The following GABRA5 variants were observed in gnomAD, a reference collection of about 807,000 sequenced individuals.
GABRA5 encodes gamma-aminobutyric acid receptor subunit alpha-5.
In GABRA5, 18 loss-of-function variants were observed where a neutral mutation model predicts 47.3. That is an observed-to-expected ratio of 0.38 (90% CI 0.26 to 0.56). The LOEUF is 0.56. GABRA5 is among the 20% of genes least tolerant of loss of function. The pLI, the probability that GABRA5 is intolerant of heterozygous loss-of-function variation, is 0.71. For synonymous variants in GABRA5, 237 were observed against 229.3 expected (o/e 1.03, Z -0.30); for missense variants, 365 against 599.3 (o/e 0.61, Z 4.08).
chr15:26,931,198 C>T (rs559444358), intron 7 of GABRA5, among the ~76,000 whole-genome samples: 15 of 152,260 alleles, frequency 9.9e-5, no homozygotes, highest in Admixed American at 2.6e-4. Flanking sequence ...TGCGCCCGGC[C>T]GCCAATTTCT....
chr15:26,877,569 A>C (rs1003004215), intron 3 of GABRA5: 9 of 423,560 alleles, frequency 2.1e-5, no homozygotes, highest in African/African-American at 1.6e-4. Flanking sequence ...ACTGTATGTA[A>C]GTCAGAAGTG....
At position 26,940,542 on chromosome 15, in the gene GABRA5, C is replaced by A. The variant is rs144744455; in HGVS notation, c.877+465C>A. On this transcript the variant is annotated intron_variant, in intron 9 of 10. Coordinates refer to ENST00000335625, the MANE Select transcript of GABRA5 (RefSeq NM_000810.4). Reference sequence around the variant, plus strand: ...TTTCTTTGAGCATTACGTCGGTGCCCAAAAAGTTTTGGATTCTGTAGCGTT... The same window carrying A: ...TTTCTTTGAGCATTACGTCGGTGCCAAAAAAGTTTTGGATTCTGTAGCGTT... Among the ~76,000 whole-genome samples the A allele has an allele frequency of 6.8e-3, 1,001 of 147,480 alleles. 4 individuals carry two copies. The highest frequency in any genetic ancestry group is 0.011 in the Non-Finnish European group (760 of 67,986).
intron 7 of GABRA5, among the ~76,000 whole-genome samples, chr15:26,936,322 G>A (rs1894242197): frequency 6.6e-6 from 1 of 152,100 alleles, no homozygotes. Flanking sequence ...GGGCTCCTTT[G>A]CAAGCTTCCA....
In GABRA5 at chr15:26,869,175, C is replaced by A; in HGVS notation, c.-74C>A. On this transcript the variant is annotated splice_region_variant and 5_prime_UTR_variant, in exon 3 of 11. Transcript: ENST00000335625. ...CTTCCCCGCTTTGTGTGCTTTTCAGCTTCAAGAACAAGCTGGAGAAGGGAA... is the reference window on the plus strand; with the variant it reads ...CTTCCCCGCTTTGTGTGCTTTTCAGATTCAAGAACAAGCTGGAGAAGGGAA... The A allele has an allele frequency of 1.1e-6, 1 of 932,520 alleles. No homozygotes were observed. Among genetic ancestry groups the A allele is most frequent in the Non-Finnish European group, 1.8e-6 (1 of 560,874 alleles). 57.8% of individuals were successfully genotyped at this position (932,520 alleles called of 1,614,324 possible).
intron 6 of GABRA5, among the ~76,000 whole-genome samples, chr15:26,884,716 A>G (rs986187712): frequency 6.6e-6 from 1 of 152,172 alleles, no homozygotes; most frequent in Admixed American, 6.5e-5. Context: ...AAAAAAATCA[A>G]GCTTTTAAAG....
intron 6 of GABRA5, among the ~76,000 whole-genome samples, chr15:26,892,848 C>T (rs1034286637): frequency 2.0e-5 from 3 of 151,846 alleles, no homozygotes; most frequent in Admixed American, 2.0e-4. Context: ...GCAAGTTGTG[C>T]GGGGAGGATG....
At chr15:26,912,502 C>A (rs1483598805) in intron 6 of GABRA5, among the ~76,000 whole-genome samples, 2 of 152,178 alleles carry the variant, frequency 1.3e-5, no homozygotes, top group Non-Finnish European at 2.9e-5. Context: ...TTACCAATTT[C>A]ATAGTCTCTA....
chr15:26,940,923 C>T (rs1252932866), intron 9 of GABRA5, among the ~76,000 whole-genome samples: 1 of 152,204 alleles, frequency 6.6e-6, no homozygotes, highest in Non-Finnish European at 1.5e-5. Context: ...CAGTCGTGAT[C>T]CTGGATGCTC....
At chr15:26,889,605 G>C (rs1303725163) in intron 6 of GABRA5, among the ~76,000 whole-genome samples, 2 of 152,190 alleles carry the variant, frequency 1.3e-5, no homozygotes, top group African/African-American at 4.8e-5. Flanking sequence ...ACTAGACACT[G>C]AGATGTGTTT....
rs530586347 is a variant in GABRA5 at position 26,948,170 on chromosome 15, A to G, written c.1326A>G (p.Leu442=). ...CAGTCTTGTTCGGCACTTTCAACTTAGTTTACTGGGCAACGTATTTGAATA... is the reference window on the plus strand; with the variant it reads ...CAGTCTTGTTCGGCACTTTCAACTTGGTTTACTGGGCAACGTATTTGAATA... The part of the protein sequence containing the change: ...VFPVLFGTFN[L]VYWATYLNRE... Residue 442 remains leucine (L), a synonymous_variant, in exon 11 of 11, where the codon TTA becomes TTG. Coordinates refer to ENST00000335625, the MANE Select transcript of GABRA5 (RefSeq NM_000810.4). The G allele has an allele frequency of 6.2e-7, 1 of 1,613,902 alleles. No individual in the cohort carries two copies. Among genetic ancestry groups the G allele is most frequent in the African/African-American group, 1.3e-5 (1 of 75,050 alleles).
intron 7 of GABRA5, among the ~76,000 whole-genome samples, chr15:26,935,642 C>T (rs1179436062): frequency 6.6e-6 from 1 of 152,222 alleles, no homozygotes; most frequent in Non-Finnish European, 1.5e-5. Context: ...GATGAGTGGG[C>T]CACAGCCTCC....
chr15:26,923,008 C>G (rs1893878167), intron 7 of GABRA5, among the ~76,000 whole-genome samples: 1 of 152,144 alleles, frequency 6.6e-6, no homozygotes, highest in African/African-American at 2.4e-5. Context: ...AAAACCTTAC[C>G]TCCCTTTATG....
intron 7 of GABRA5, among the ~76,000 whole-genome samples, chr15:26,925,364 G>T (rs1273723853): frequency 6.6e-6 from 1 of 151,836 alleles, no homozygotes; most frequent in Non-Finnish European, 1.5e-5. Flanking sequence ...TTTATATTTA[G>T]TGCCTTAAGT....
chr15:26,891,447 A>G (rs1443289281), intron 6 of GABRA5, among the ~76,000 whole-genome samples: 1 of 152,116 alleles, frequency 6.6e-6, no homozygotes, highest in Non-Finnish European at 1.5e-5. Context: ...GCCTCTCCCT[A>G]TTTGCATAGA....
At chr15:26,927,867 A>C (rs993731948) in intron 7 of GABRA5, among the ~76,000 whole-genome samples, 1 of 152,224 alleles carries the variant, frequency 6.6e-6, no homozygotes. Context: ...TCTCTAATGC[A>C]GAACTGAATT....
Position 26,943,379 on chromosome 15 carries a change from G to C in GABRA5, c.1042G>C (p.Gly348Arg), listed in dbSNP as rs1173097349. The change falls in exon 10 of 11, where the codon GGC (glycine) becomes CGC (arginine). Residue 348 changes from glycine to arginine, a missense_variant. This residue lies in a region of GABRA5 where 43 missense variants were observed against 133.7 expected (regional missense o/e 0.32). Coordinates refer to ENST00000335625, the MANE Select transcript of GABRA5 (RefSeq NM_000810.4). ...CACGGTCAATTACTTTACCAAGAGAGGCTGGGCCTGGGATGGCAAAAAAGC... is the reference window on the plus strand; with the variant it reads ...CACGGTCAATTACTTTACCAAGAGACGCTGGGCCTGGGATGGCAAAAAAGC... ...FATVNYFTKR[G>R]WAWDGKKALE... 1 of 1,599,466 alleles carries C rather than the reference G, an allele frequency of 6.3e-7. No individual in the cohort carries two copies. The highest frequency in any genetic ancestry group is 8.5e-7 in the Non-Finnish European group (1 of 1,173,056).
intron 8 of GABRA5, chr15:26,939,198 C>T: frequency 1.3e-6 from 1 of 762,290 alleles, no homozygotes; most frequent in Non-Finnish European, 2.4e-6. Context: ...CAGCGGGCCT[C>T]ACACTCCCTG....
intron 6 of GABRA5, among the ~76,000 whole-genome samples, chr15:26,896,485 A>T (rs1465683882): frequency 6.6e-6 from 1 of 152,170 alleles, no homozygotes; most frequent in African/African-American, 2.4e-5. Context: ...TTGCTTCCAA[A>T]TTTGTTTTTA....
chr15:26,880,699 C>T, intron 3 of GABRA5, 147 bp from the exon 4 acceptor site: 3 of 717,706 alleles, frequency 4.2e-6, no homozygotes, highest in Admixed American at 3.0e-5. Flanking sequence ...CAAGGCCAAA[C>T]AATCCCCTAG....
Sources: allele counts gnomAD v4.1 joint callset (sites outside exome capture counted in the v4.1 genomes callset), GRCh38; gene constraint gnomAD v4.1.1; regional missense constraint gnomAD v4.1.1; transcripts MANE v1.5; gene names NCBI Gene and HGNC (gene_info 2026-07-23, HGNC 2026-07-21).